Variants in ENOSF1 observed in about 807,000 individuals in gnomAD.
ENOSF1 encodes enolase superfamily member 1.
Under a neutral mutation model 68.2 loss-of-function variants are expected in ENOSF1, and 73 were observed. The ratio of observed to expected loss-of-function variants is 1.07; its 90% CI spans 0.89 to 1.30. ENOSF1 has a LOEUF of 1.30. ENOSF1 is among the 50% of genes most tolerant of loss of function. ENOSF1 has a pLI of 0.00. For synonymous variants in ENOSF1, 223 were observed against 210.4 expected (o/e 1.06, Z -0.52); for missense variants, 589 against 554.5 (o/e 1.06, Z -0.62).
intron 11 of ENOSF1, among the ~76,000 whole-genome samples, chr18:679,337 G>A (rs954708096): frequency 1.3e-5 from 2 of 151,388 alleles, no homozygotes; most frequent in Non-Finnish European, 2.9e-5. Flanking sequence ...AGCCTCCTGA[G>A]TAGCTGGGAT....
chr18:690,726 G>T, intron 7 of ENOSF1, 95 bp from the exon 8 acceptor site: 3 of 1,556,528 alleles, frequency 1.9e-6, no homozygotes, highest in Non-Finnish European at 2.6e-6. Context: ...GGAGAGTCCA[G>T]CTGTTCTCCT....
downstream of ENOSF1, among the ~76,000 whole-genome samples, chr18:670,017 G>A (rs970241704): frequency 6.6e-6 from 1 of 150,632 alleles, no homozygotes; most frequent in African/African-American, 2.4e-5. Context: ...TACTTAGAGT[G>A]AAATACTTGC....
intron 14 of ENOSF1, 105 bp downstream of exon 14, chr18:677,240 G>A (rs3819101): frequency 0.33 from 295,916 of 898,726 alleles, 50,299 homozygotes; most frequent in East Asian, 0.47. Context: ...ACATGCCAGC[G>A]GACAAGGTCT....
chr18:702,687 C>T (rs934315525), intron 2 of ENOSF1, among the ~76,000 whole-genome samples: 16 of 150,686 alleles, frequency 1.1e-4, no homozygotes, highest in African/African-American at 2.4e-4. Context: ...CTGTATGAGC[C>T]GTGATTGCAC....
chr18:700,780 G>T (rs1413417789), intron 2 of ENOSF1, among the ~76,000 whole-genome samples: 4 of 151,792 alleles, frequency 2.6e-5, no homozygotes, highest in Non-Finnish European at 4.4e-5. Context: ...AGCTACTTGT[G>T]GGGGCTGAGG....
At chr18:664,694 C>G in the ENOSF1 span, among the ~76,000 whole-genome samples, 8 of 150,800 alleles carry the variant, frequency 5.3e-5, no homozygotes, top group African/African-American at 2.0e-4. Flanking sequence ...TATGTCCCAT[C>G]AATACCTAAT....
intron 5 of ENOSF1, 125 bp from the exon 6 acceptor site, chr18:691,401 A>T: frequency 1.3e-6 from 1 of 742,454 alleles, no homozygotes; most frequent in Non-Finnish European, 2.2e-6. Flanking sequence ...GCTGGAGTGC[A>T]GTGATGCCAT....
In ENOSF1 at chr18:686,024, G is replaced by A; in HGVS notation, c.654-16C>T. On this transcript the variant is annotated splice_polypyrimidine_tract_variant and intron_variant, in intron 9 of 15. Transcript: ENST00000647584. Reference sequence around the variant, plus strand: ...TACTTTAAACCTAGAAAATGCATTTGGTTTGCTAGTTTAGACCTGTACCTG... The same window carrying A: ...TACTTTAAACCTAGAAAATGCATTTAGTTTGCTAGTTTAGACCTGTACCTG... 6.2e-7 allele frequency: 1 copy of A among 1,606,128 alleles called. No homozygotes were observed. The highest frequency in any genetic ancestry group is 8.5e-7 in the Non-Finnish European group (1 of 1,172,764).
intron 2 of ENOSF1, among the ~76,000 whole-genome samples, chr18:701,464 A>AC (rs199929607): frequency 0.02 from 3,055 of 152,132 alleles, 102 homozygotes; most frequent in African/African-American, 0.071. Context: ...AAGTCTTAAA[A>AC]AAAAAAAAGG....
intron 2 of ENOSF1, among the ~76,000 whole-genome samples, chr18:706,020 C>CAT (rs774999215): frequency 1.3e-5 from 2 of 151,932 alleles, no homozygotes; most frequent in East Asian, 1.9e-4. Flanking sequence ...AAAATATATA[C>CAT]ATATATATAT....
Position 693,887 on chromosome 18 carries a change from C to A in ENOSF1, c.418G>T (p.Asp140Tyr). ...EGKPVWKLLV[D>Y]MDPRMLVSCI... ...ACATTAACAATGCTACTCACCATGT[C>A]CACAAGTAACTTCCAGACAGGCTTG... Residue 140 changes from aspartate to tyrosine, a missense_variant, in exon 5 of 16, where the codon GAC becomes TAC. By Grantham distance (160) the Asp-to-Tyr change is radical. Transcript: ENST00000647584. 2 of 1,614,036 alleles carry A rather than the reference C, an allele frequency of 1.2e-6. No individual in the cohort carries two copies. Among genetic ancestry groups the A allele is most frequent in the Non-Finnish European group, 1.7e-6 (2 of 1,180,000 alleles).
rs568740763 is a variant in ENOSF1 at position 671,738 on chromosome 18, C to T, written c.*2567G>A. 317 of 407,342 alleles carry T rather than the reference C, an allele frequency of 7.8e-4. No homozygotes were observed. Among genetic ancestry groups the T allele is most frequent in the Non-Finnish European group, 1.2e-3 (282 of 231,186 alleles). 25.2% of individuals were successfully genotyped at this position (407,342 alleles called of 1,614,324 possible). ...GATTGTCCAAAAGGGGGCATTTTAA[C>T]TCATTTTAACTTGAAGGAGAATTGA... On this transcript the variant is annotated 3_prime_UTR_variant, in exon 16 of 16. Transcript: ENST00000647584.
At chr18:702,829 A>T (rs1419579148) in intron 2 of ENOSF1, among the ~76,000 whole-genome samples, 1 of 152,234 alleles carries the variant, frequency 6.6e-6, no homozygotes, top group Non-Finnish European at 1.5e-5. Flanking sequence ...GTCATGATTT[A>T]AAAAAATACC....
intron 5 of ENOSF1, chr18:692,917 G>A (rs1424674358): frequency 7.7e-6 from 9 of 1,175,160 alleles, no homozygotes; most frequent in Non-Finnish European, 8.6e-6. Context: ...ACTCTTCAAG[G>A]CCATGGTGTT....
chr18:668,040 T>C (rs998111164), downstream of ENOSF1, among the ~76,000 whole-genome samples: 2 of 145,026 alleles, frequency 1.4e-5, no homozygotes, highest in African/African-American at 2.6e-5. Flanking sequence ...CTGGACACAC[T>C]ACCCAGTTTC....
At chr18:666,902 GAGA>G (rs1400075082), downstream of ENOSF1, among the ~76,000 whole-genome samples, 43 of 56,428 alleles carry the variant, frequency 7.6e-4, 8 homozygotes, top group South Asian at 1.5e-3. Flanking sequence ...GATGGTGATG[GAGA>G]TGGTGATGGT....
At chr18:701,184 C>T (rs1344887308) in intron 2 of ENOSF1, among the ~76,000 whole-genome samples, 1 of 152,076 alleles carries the variant, frequency 6.6e-6, no homozygotes, top group Admixed American at 6.6e-5. Flanking sequence ...CTTTGTACAT[C>T]TTTTTCTATT....
At chr18:698,179 G>C (rs977258129) in intron 2 of ENOSF1, among the ~76,000 whole-genome samples, 1 of 152,186 alleles carries the variant, frequency 6.6e-6, no homozygotes, top group Admixed American at 6.5e-5. Context: ...TTCCTGAGTA[G>C]AGAACACATT....
downstream of ENOSF1, among the ~76,000 whole-genome samples, chr18:666,629 C>A (rs1181862321): frequency 6.6e-6 from 1 of 152,226 alleles, no homozygotes; most frequent in Admixed American, 6.5e-5. Flanking sequence ...ATTTCACCTC[C>A]AGCCACCTGG....
Sources: gnomAD v4.1 joint callset for allele counts (sites outside exome capture counted in the v4.1 genomes callset) on GRCh38, gnomAD v4.1.1 for gene constraint, MANE v1.5 for transcripts, NCBI Gene and HGNC (gene_info 2026-07-23, HGNC 2026-07-21) for gene names.